KIF1B: variants seen among roughly 807,000 people sequenced by gnomAD.
The protein encoded by KIF1B is kinesin-like protein KIF1B.
Under a neutral mutation model 241.9 loss-of-function variants are expected in KIF1B, and 76 were observed. The observed-to-expected ratio is 0.31, with a 90% CI of 0.26 to 0.38. The LOEUF is 0.38. Ranked by LOEUF, KIF1B falls within the 10% of genes least tolerant of loss-of-function variation. The pLI, the probability that KIF1B is intolerant of heterozygous loss-of-function variation, is 1.00. For synonymous variants in KIF1B, 750 were observed against 796.7 expected, an observed-to-expected ratio of 0.94 and a Z score of 0.99; for missense variants, 1,622 against 2,271.4, an observed-to-expected ratio of 0.71 and a Z score of 5.81.
rs746000681 is a variant in KIF1B at position 10,303,803 on chromosome 1, A to G, written c.2115+6557A>G. On this transcript the variant is annotated intron_variant, in intron 22 of 48. Transcript: ENST00000676179. This position sits in a 1 kb window ranked among gnomAD's most constrained non-coding sequence, Gnocchi z 5.2. ...GAACAGAAAAGCCCAGGAAGCCACA[A>G]AGCAAAGGAGCCTGTTGGTGCTGGT... 1 of 1,614,248 alleles carries G rather than the reference A, an allele frequency of 6.2e-7. No homozygotes were observed. The highest frequency in any genetic ancestry group is 1.1e-5 in the South Asian group (1 of 91,084).
chr1:10,326,260 A>G lies in KIF1B; in HGVS notation c.2825A>G (p.Asp942Gly), dbSNP rs1651719427. The G allele has an allele frequency of 6.2e-7, 1 of 1,614,024 alleles. No homozygotes were observed. The highest frequency in any genetic ancestry group is 8.5e-7 in the Non-Finnish European group (1 of 1,180,044). The change falls in exon 27 of 49, where the codon GAC becomes GGC. Residue 942 changes from aspartate (D) to glycine (G), a missense_variant. Physicochemically the swap from Asp to Gly is moderately conservative, Grantham distance 94 (BLOSUM62 -1). Around this residue, in one of 7 missense-constraint regions of KIF1B, gnomAD observed 803 missense variants for 1,112.0 expected, o/e 0.72. Coordinates refer to ENST00000676179, the MANE Select transcript of KIF1B (RefSeq NM_001365951.3). This position sits in a 1 kb window ranked among gnomAD's most constrained non-coding sequence, Gnocchi z 5.2. ...TTTGATGATGAGGCATTCGTGGATGACGCCGGCTCTGACGCAGGGACGGAG... is the reference window on the plus strand; with the variant it reads ...TTTGATGATGAGGCATTCGTGGATGGCGCCGGCTCTGACGCAGGGACGGAG... The part of the protein sequence containing the change: ...EDFDDEAFVD[D>G]AGSDAGTEEG...
chr1:10,348,562 A>G (rs1652671286), intron 36 of KIF1B, 87 bp from the exon 37 acceptor site: 2 of 945,428 alleles, frequency 2.1e-6, no homozygotes, highest in South Asian at 1.4e-5. Flanking sequence ...CTCATCCCCC[A>G]TGCCATGCCA....
At chr1:10,313,226 C>G (rs1223465513) in intron 22 of KIF1B, among the ~76,000 whole-genome samples, 3 of 151,036 alleles carry the variant, frequency 2.0e-5, no homozygotes, top group Non-Finnish European at 4.4e-5. Flanking sequence ...CCACCACGCC[C>G]TACTTATTTT....
intron 2 of KIF1B, among the ~76,000 whole-genome samples, chr1:10,233,342 G>A (rs1398945952): frequency 1.3e-5 from 2 of 152,124 alleles, no homozygotes; most frequent in Non-Finnish European, 2.9e-5. Context: ...AAGGCCGGGT[G>A]TGGTGGCTAA....
intron 28 of KIF1B, among the ~76,000 whole-genome samples, chr1:10,336,097 A>T (rs1373167930): frequency 6.6e-6 from 1 of 152,254 alleles, no homozygotes; most frequent in Non-Finnish European, 1.5e-5. Context: ...TCTTGCCAGC[A>T]TGGAGACAGT....
At chr1:10,246,041 G>C (rs575726471) in intron 2 of KIF1B, among the ~76,000 whole-genome samples, 1 of 152,254 alleles carries the variant, frequency 6.6e-6, no homozygotes, top group Non-Finnish European at 1.5e-5. Flanking sequence ...TTGAGATGGT[G>C]ATAACTCCCA....
intron 38 of KIF1B, among the ~76,000 whole-genome samples, chr1:10,356,893 C>T (rs568204226): frequency 2.6e-4 from 36 of 137,574 alleles, no homozygotes; most frequent in Admixed American, 2.4e-3. Flanking sequence ...AGCTAGACTC[C>T]GTCTCTAAAT....
At chr1:10,291,709 CA>C (rs34360352) in intron 16 of KIF1B, among the ~76,000 whole-genome samples, 34,438 of 120,102 alleles carry the variant, frequency 0.29, 4,457 homozygotes, top group Admixed American at 0.37. Context: ...GACTCTGTCT[CA>C]AAAAAAAAAA....
chr1:10,357,299 C>G (rs1480789669), intron 38 of KIF1B, among the ~76,000 whole-genome samples: 1 of 152,192 alleles, frequency 6.6e-6, no homozygotes, highest in African/African-American at 2.4e-5. Context: ...CTTGAGAAAT[C>G]CATTTGGAAT....
chr1:10,375,903 T>TCTC (rs951192277), intron 48 of KIF1B, among the ~76,000 whole-genome samples: 1 of 149,096 alleles, frequency 6.7e-6, no homozygotes, highest in African/African-American at 2.5e-5. Context: ...TTCAAGCCAT[T>TCTC]CTCCTGCCTC....
intron 2 of KIF1B, among the ~76,000 whole-genome samples, chr1:10,254,448 A>G (rs1313008681): frequency 6.6e-6 from 1 of 152,176 alleles, no homozygotes; most frequent in Non-Finnish European, 1.5e-5. Flanking sequence ...ATTCCACTAT[A>G]TACTACATTA....
At chr1:10,262,069 C>G (rs973659197) in intron 5 of KIF1B, 99 bp downstream of exon 5, 2 of 821,874 alleles carry the variant, frequency 2.4e-6, no homozygotes, top group Non-Finnish European at 4.2e-6. Context: ...CACATCACTT[C>G]ACCATTCCTT....
chr1:10,303,361 G>C lies in KIF1B; in HGVS notation c.2115+6115G>C. ...ACCCCAAAGAAGGCGCTTGAGTAAAGATTCCAAGTGGGTCACAATCTCAGA... is the reference window on the plus strand; with the variant it reads ...ACCCCAAAGAAGGCGCTTGAGTAAACATTCCAAGTGGGTCACAATCTCAGA... On this transcript the variant is annotated intron_variant, in intron 22 of 48. Coordinates refer to ENST00000676179, the MANE Select transcript of KIF1B (RefSeq NM_001365951.3). The surrounding 1 kb of genome is among the most constrained non-coding windows in gnomAD (Gnocchi z 5.2). 6.2e-7 allele frequency: 1 copy of C among 1,614,176 alleles called. No homozygotes were observed. The highest frequency in any genetic ancestry group is 2.2e-5 in the East Asian group (1 of 44,886).
Position 10,323,949 on chromosome 1 carries a change from C to T in KIF1B, c.2424C>T (p.Pro808=), listed in dbSNP as rs1259674916. Residue 808 remains proline (P), a synonymous_variant, in exon 25 of 49, where the codon CCC becomes CCT. Transcript: ENST00000676179. ...CCCCTTTGCCTCCTGAATTACTTCC[C>T]ACTGAGATGGAAAAAACTCATGAGG... ...LYSPLPPELL[P]TEMEKTHEDR... is the part of the protein sequence containing the mutation. The T allele has an allele frequency of 6.2e-7, 1 of 1,614,020 alleles. No individual in the cohort carries two copies. The highest frequency in any genetic ancestry group is 8.5e-7 in the Non-Finnish European group (1 of 1,179,902).
intron 22 of KIF1B, among the ~76,000 whole-genome samples, chr1:10,301,477 C>A (rs1193361288): frequency 2.0e-5 from 3 of 151,930 alleles, no homozygotes; most frequent in Non-Finnish European, 2.9e-5. Flanking sequence ...ACCAGCCGGG[C>A]CAACATGGTG....
chr1:10,339,956 C>A, intron 32 of KIF1B, 97 bp downstream of exon 32: 1 of 1,001,968 alleles, frequency 1.0e-6, no homozygotes, highest in Non-Finnish European at 1.6e-6. Flanking sequence ...AAGTCACTGG[C>A]TGTGCAGGGG....
At chr1:10,321,374 G>A (rs1342786768) in intron 23 of KIF1B, among the ~76,000 whole-genome samples, 1 of 152,084 alleles carries the variant, frequency 6.6e-6, no homozygotes, top group Non-Finnish European at 1.5e-5. Flanking sequence ...AAAGTGCTGG[G>A]ATTATAGACG....
rs1442846736 is a variant in KIF1B at position 10,378,879 on chromosome 1, T to C, written c.*2292T>C. ...CCGCGGAAACTCTATGGCGGATTTT[T>C]TTTTTAACTTTCTTCTTCCTGTTAA... On this transcript the variant is annotated 3_prime_UTR_variant, in exon 49 of 49. Coordinates refer to ENST00000676179, the MANE Select transcript of KIF1B (RefSeq NM_001365951.3). 1 of 237,028 alleles carries C rather than the reference T, an allele frequency of 4.2e-6. No homozygotes were observed. Among genetic ancestry groups the C allele is most frequent in the East Asian group, 6.0e-5 (1 of 16,688 alleles). 14.7% of individuals were successfully genotyped at this position (237,028 alleles called of 1,614,324 possible).
chr1:10,296,478 A>AG, intron 19 of KIF1B, 104 bp from the exon 20 acceptor site: 1 of 934,722 alleles, frequency 1.1e-6, no homozygotes, highest in Middle Eastern at 3.1e-4. Context: ...GATTGATTGC[A>AG]GGGATTTATT....
Sources: allele counts gnomAD v4.1 joint callset (sites outside exome capture counted in the v4.1 genomes callset), GRCh38; gene constraint gnomAD v4.1.1; regional missense constraint gnomAD v4.1.1; non-coding constraint Gnocchi (gnomAD v3.1); transcripts MANE v1.5; gene names NCBI Gene and HGNC (gene_info 2026-07-23, HGNC 2026-07-21).